Variants in TGFBR1 observed in about 807,000 individuals in gnomAD.
TGFBR1 encodes TGF-beta receptor type-1.
Under a neutral mutation model 55.1 loss-of-function variants are expected in TGFBR1, and 20 were observed. The ratio of observed to expected loss-of-function variants is 0.36; its 90% CI spans 0.26 to 0.53. The LOEUF is 0.53. TGFBR1 is among the 20% of genes least tolerant of loss of function. The pLI is 0.91. For synonymous variants in TGFBR1, 220 were observed against 214.8 expected (o/e 1.02, Z -0.21); for missense variants, 385 against 617.6 (o/e 0.62, Z 3.99).
rs200775937 is a variant in TGFBR1, at chr9:99,153,018, G to A, written c.*3713G>A. The A allele has an allele frequency of 3.1e-5, 7 of 228,260 alleles. No homozygotes were observed. The South Asian group carries it at 9.1e-4, about 30-fold the overall frequency. The allele number at this position is 228,260 out of a possible 1,614,324, so 14.1% of individuals were successfully genotyped here. A position where few individuals can be genotyped will look rare whatever the true frequency, so the allele number is the denominator to read the frequency against. ...ACTTAAAAGGAACTTCAGTGAATTT[G>A]TTTTTATTTTTTAACAAGATTTGTG... On this transcript the variant is annotated 3_prime_UTR_variant, in exon 9 of 9. Transcript: ENST00000374994.
chr9:99,109,750 TATC>T (rs1826510942), intron 1 of TGFBR1, among the ~76,000 whole-genome samples: 3 of 152,208 alleles, frequency 2.0e-5, no homozygotes, highest in Admixed American at 2.0e-4. Flanking sequence ...TGTGGTTTGA[TATC>T]ATGTGATTGG....
intron 1 of TGFBR1, among the ~76,000 whole-genome samples, chr9:99,112,344 C>G (rs1463256734): frequency 6.6e-6 from 1 of 152,102 alleles, no homozygotes; most frequent in African/African-American, 2.4e-5. Flanking sequence ...TCCCTCACCT[C>G]CTGCAAGTCT....
At position 99,137,831 on chromosome 9, in the gene TGFBR1, G is replaced by T. The variant is rs779517018; in HGVS notation, c.575-28G>T. On this transcript the variant is annotated intron_variant, in intron 3 of 8. Transcript: ENST00000374994. ...TGAAACATGTAATATTGTTGATTGT[G>T]TTGAGTACTATTTATTTTTACCTTT... The T allele has an allele frequency of 1.9e-6, 3 of 1,571,424 alleles. No homozygotes were observed. In the East Asian group the frequency reaches 6.7e-5, roughly 35 times the overall value.
chr9:99,148,526 A>G (rs1827874326), intron 8 of TGFBR1, among the ~76,000 whole-genome samples: 1 of 152,216 alleles, frequency 6.6e-6, no homozygotes, highest in Non-Finnish European at 1.5e-5. Flanking sequence ...TCAGTTCAGT[A>G]GTTGATTTTA....
chr9:99,112,922 A>C (rs929584265), intron 1 of TGFBR1, among the ~76,000 whole-genome samples: 16 of 139,718 alleles, frequency 1.1e-4, no homozygotes, highest in Admixed American at 5.7e-4. Context: ...TTCACCTCAT[A>C]TTCTCTCTCT....
At chr9:99,128,592 C>G in intron 1 of TGFBR1, 2 of 525,996 alleles carry the variant, frequency 3.8e-6, no homozygotes, top group East Asian at 4.2e-5. Context: ...CAAAATTTTT[C>G]TATACTTGGA....
chr9:99,120,855 G>C (rs975448350), intron 1 of TGFBR1, among the ~76,000 whole-genome samples: 2 of 152,156 alleles, frequency 1.3e-5, no homozygotes, highest in Admixed American at 6.6e-5. Context: ...TGCTGTACTT[G>C]TGTGATTTAT....
chr9:99,125,395 T>C (rs1209541481), intron 1 of TGFBR1, among the ~76,000 whole-genome samples: 1 of 152,258 alleles, frequency 6.6e-6, no homozygotes, highest in East Asian at 1.9e-4. Context: ...CAGTTATTGC[T>C]GGAAATGAGA....
intron 1 of TGFBR1, among the ~76,000 whole-genome samples, chr9:99,114,208 A>G (rs1172407388): frequency 6.6e-6 from 1 of 152,236 alleles, no homozygotes; most frequent in Non-Finnish European, 1.5e-5. Flanking sequence ...CAGTAAGACC[A>G]AATCTACTGA....
Position 99,110,153 on chromosome 9 carries a change from T to C in TGFBR1, c.97+4851T>C, listed in dbSNP as rs550441933. Among the ~76,000 whole-genome samples the C allele has an allele frequency of 1.5e-3, 228 of 152,306 alleles. 2 individuals carry two copies. Among genetic ancestry groups the C allele is most frequent in the Non-Finnish European group, 1.4e-3 (94 of 68,024 alleles). Reference sequence around the variant, plus strand: ...TTTCTTAAATACTAGTGGACTAAGTTCAGTTGGTTTTATGGTCCAATTTTA... The same window carrying C: ...TTTCTTAAATACTAGTGGACTAAGTCCAGTTGGTTTTATGGTCCAATTTTA... On this transcript the variant is annotated intron_variant, in intron 1 of 8. Coordinates refer to ENST00000374994, the MANE Select transcript of TGFBR1 (RefSeq NM_004612.4).
intron 1 of TGFBR1, among the ~76,000 whole-genome samples, chr9:99,127,024 G>C (rs1275524518): frequency 6.6e-6 from 1 of 152,178 alleles, no homozygotes; most frequent in Non-Finnish European, 1.5e-5. Flanking sequence ...AGTGAGTTGG[G>C]AGTCTGCAGG....
chr9:99,145,149 GGGCAC>G (rs1261897644), intron 6 of TGFBR1, among the ~76,000 whole-genome samples: 1 of 152,152 alleles, frequency 6.6e-6, no homozygotes, highest in East Asian at 1.9e-4. Context: ...AACGTTTATA[GGGCAC>G]CTACTATGTG....
chr9:99,109,889 G>C (rs1035222878), intron 1 of TGFBR1, among the ~76,000 whole-genome samples: 2 of 152,122 alleles, frequency 1.3e-5, no homozygotes, highest in Admixed American at 6.5e-5. Flanking sequence ...CAGAATTTAT[G>C]GTCAGTTTTG....
At chr9:99,119,011 C>G (rs1826827971) in intron 1 of TGFBR1, among the ~76,000 whole-genome samples, 2 of 146,812 alleles carry the variant, frequency 1.4e-5, no homozygotes, top group Admixed American at 1.3e-4. Flanking sequence ...AATCTGAGGG[C>G]AGGAATCTCA....
At chr9:99,147,515 ATAGAGAAAGCTG>A in intron 7 of TGFBR1, 127 bp from the exon 8 acceptor site, 2 of 788,156 alleles carry the variant, frequency 2.5e-6, no homozygotes, top group Non-Finnish European at 2.0e-6. Flanking sequence ...TGTGGATGAG[ATAGAGAAAGCTG>A]TAATCTCTGT....
At chr9:99,131,455 A>G (rs1827221815) in intron 2 of TGFBR1, among the ~76,000 whole-genome samples, 1 of 152,208 alleles carries the variant, frequency 6.6e-6, no homozygotes, top group Non-Finnish European at 1.5e-5. Flanking sequence ...GAAAGATGTG[A>G]TATGAAAGAA....
At position 99,142,889 on chromosome 9, in the gene TGFBR1, T is replaced by A. The variant is rs558036880; in HGVS notation, c.973+186T>A. On this transcript the variant is annotated intron_variant, in intron 5 of 8. Transcript: ENST00000374994. ...GCCTGGGCAACATGACAAAACCGCA[T>A]CTCTACCAACATACAAAAAATTAGT... 4.6e-5 allele frequency among the ~76,000 whole-genome samples: 7 copies of A among 152,138 alleles called. No individual in the cohort carries two copies. The East Asian group carries it at 1.4e-3, about 29-fold the overall frequency.
At chr9:99,124,486 A>G (rs1428680452) in intron 1 of TGFBR1, among the ~76,000 whole-genome samples, 2 of 152,106 alleles carry the variant, frequency 1.3e-5, no homozygotes, top group Non-Finnish European at 1.5e-5. Context: ...TGCCATGTAT[A>G]TGCGTTTAAA....
Position 99,144,598 on chromosome 9 carries a change from C to T in TGFBR1, c.974-134C>T, listed in dbSNP as rs544569201. The stretch of plus-strand genomic sequence containing the variant: ...GTGATTCACTTGAGTTTAATAATGC[C>T]GTAAGTATTGTAGGTCATGTGGGCT... On this transcript the variant is annotated intron_variant, in intron 5 of 8. Coordinates refer to ENST00000374994, the MANE Select transcript of TGFBR1 (RefSeq NM_004612.4). 4.7e-5 allele frequency: 43 copies of T among 916,930 alleles called. No individual in the cohort carries two copies. In the East Asian group the frequency reaches 6.4e-4, roughly 14 times the overall value. 56.8% of individuals were successfully genotyped at this position (916,930 alleles called of 1,614,324 possible).
Sources: gnomAD v4.1 joint callset for allele counts (sites outside exome capture counted in the v4.1 genomes callset) on GRCh38, gnomAD v4.1.1 for gene constraint, MANE v1.5 for transcripts, NCBI Gene and HGNC (gene_info 2026-07-23, HGNC 2026-07-21) for gene names.